The following SPOCK3 variants were observed in gnomAD, a reference collection of about 807,000 sequenced individuals.
SPOCK3 encodes testican-3.
Under a neutral mutation model 56.6 loss-of-function variants are expected in SPOCK3, and 30 were observed. The ratio of observed to expected loss-of-function variants is 0.53; its 90% CI spans 0.40 to 0.72. The LOEUF (loss-of-function observed/expected upper bound fraction) is 0.72. Ranked by LOEUF, SPOCK3 falls within the 30% of genes least tolerant of loss-of-function variation. The pLI, the probability that SPOCK3 is intolerant of heterozygous loss-of-function variation, is 0.00. For missense variants in SPOCK3, 527 were observed against 530.0 expected (o/e 0.99, Z 0.06); for synonymous variants, 196 against 183.3 (o/e 1.07, Z -0.56).
rs898981115 is a variant in SPOCK3 at position 167,217,927 on chromosome 4, A to T, written c.189+16058T>A. On this transcript the variant is annotated intron_variant, in intron 2 of 10. Coordinates refer to ENST00000357545, the MANE Select transcript of SPOCK3 (RefSeq NM_001040159.2). Reference sequence around the variant, plus strand: ...ACAGTTTCATTAAAGTAAAAAAAAAAAGTTAAACCCACAAACCAAAGGGTT... The same window carrying T: ...ACAGTTTCATTAAAGTAAAAAAAAATAGTTAAACCCACAAACCAAAGGGTT... Among the ~76,000 whole-genome samples, 6 of 150,578 alleles carry T rather than the reference A, an allele frequency of 4.0e-5. No homozygotes were observed. In the East Asian group the frequency reaches 1.2e-3, roughly 30 times the overall value.
At chr4:167,145,013 A>C (rs1431681426) in intron 2 of SPOCK3, among the ~76,000 whole-genome samples, 1 of 151,996 alleles carries the variant, frequency 6.6e-6, no homozygotes. Flanking sequence ...GAAAAAAAAA[A>C]CTGTAACACA....
chr4:167,117,614 A>C (rs1761538647), intron 2 of SPOCK3, among the ~76,000 whole-genome samples: 1 of 152,130 alleles, frequency 6.6e-6, no homozygotes, highest in Non-Finnish European at 1.5e-5. Flanking sequence ...GGCTTTCAGG[A>C]AGTACAAAAC....
At chr4:167,160,182 C>A (rs554078474) in intron 2 of SPOCK3, among the ~76,000 whole-genome samples, 15 of 152,304 alleles carry the variant, frequency 9.8e-5, no homozygotes, top group African/African-American at 3.6e-4. Context: ...TGATGAGCAA[C>A]TTCAGCAAAG....
rs1227762290 is a variant in SPOCK3 at position 166,754,650 on chromosome 4, C to A, written c.789G>T (p.Leu263=). Residue 263 remains leucine (L), a synonymous_variant, in exon 8 of 11, where the codon CTG becomes CTT. Transcript: ENST00000357545. ...TTCTGAGCTCTGACTGGTCCAATAG[C>A]AGGTCATAGTTTGTATCAAGTCTGT... ...MFNRLDTNYD[L]LLDQSELRSI... is the part of the protein sequence containing the mutation. The A allele has an allele frequency of 2.5e-6, 4 of 1,613,656 alleles. No homozygotes were observed. Among genetic ancestry groups the A allele is most frequent in the Non-Finnish European group, 3.4e-6 (4 of 1,179,772 alleles).
At chr4:166,958,106 G>A (rs892365233) in intron 4 of SPOCK3, among the ~76,000 whole-genome samples, 2 of 152,172 alleles carry the variant, frequency 1.3e-5, no homozygotes, top group Admixed American at 1.3e-4. Context: ...GGTGGGAGTT[G>A]ATTGGACCAT....
chr4:167,223,148 GA>G (rs1311120495), intron 2 of SPOCK3, among the ~76,000 whole-genome samples: 3 of 112,518 alleles, frequency 2.7e-5, no homozygotes, highest in Admixed American at 1.0e-4. Context: ...TTTTATATAT[GA>G]ATATATATTT....
chr4:167,159,702 G>T (rs1765117520), intron 2 of SPOCK3, among the ~76,000 whole-genome samples: 1 of 151,980 alleles, frequency 6.6e-6, no homozygotes, highest in African/African-American at 2.4e-5. Context: ...ATGATCAACT[G>T]GGCTTCATCC....
intron 2 of SPOCK3, among the ~76,000 whole-genome samples, chr4:167,147,865 G>A (rs150433311): frequency 8.5e-4 from 130 of 152,098 alleles, no homozygotes; most frequent in Non-Finnish European, 1.2e-3. Flanking sequence ...TGTAGGTGAC[G>A]GGTGGATGGG....
At chr4:167,062,416 C>G (rs1755697793) in intron 3 of SPOCK3, 76 bp downstream of exon 3, 2 of 1,134,562 alleles carry the variant, frequency 1.8e-6, no homozygotes, top group East Asian at 2.4e-5. Flanking sequence ...CCTAACCAGA[C>G]AGTAAATATC....
At chr4:166,850,164 T>C (rs1282216710) in intron 6 of SPOCK3, among the ~76,000 whole-genome samples, 2 of 152,204 alleles carry the variant, frequency 1.3e-5, no homozygotes, top group African/African-American at 4.8e-5. Context: ...TGCCATATTG[T>C]TTTCCATAGC....
At chr4:166,942,865 A>G (rs1240423969) in intron 4 of SPOCK3, among the ~76,000 whole-genome samples, 1 of 152,226 alleles carries the variant, frequency 6.6e-6, no homozygotes, top group Non-Finnish European at 1.5e-5. Context: ...GGCTTAATGA[A>G]AGTGACTTGT....
chr4:166,829,280 A>C (rs1368197740), intron 6 of SPOCK3, among the ~76,000 whole-genome samples: 2 of 152,114 alleles, frequency 1.3e-5, no homozygotes, highest in Non-Finnish European at 2.9e-5. Context: ...AAGTTAGCAG[A>C]TAAAGACTAC....
chr4:167,159,450 T>C (rs1765093726), intron 2 of SPOCK3, among the ~76,000 whole-genome samples: 1 of 151,946 alleles, frequency 6.6e-6, no homozygotes, highest in Non-Finnish European at 1.5e-5. Flanking sequence ...AACATCCTTC[T>C]CTTAGAAGAC....
chr4:167,031,104 G>C (rs1179961901), intron 3 of SPOCK3, among the ~76,000 whole-genome samples: 2 of 151,896 alleles, frequency 1.3e-5, no homozygotes, highest in Non-Finnish European at 2.9e-5. Context: ...TTAATGTTTA[G>C]ATAAATTCAT....
chr4:166,777,928 G>C (rs1270099233), intron 7 of SPOCK3, among the ~76,000 whole-genome samples: 2 of 152,070 alleles, frequency 1.3e-5, no homozygotes, highest in Non-Finnish European at 2.9e-5. Flanking sequence ...ATGCTTAATT[G>C]CTGAACCCTA....
intron 2 of SPOCK3, among the ~76,000 whole-genome samples, chr4:167,128,073 A>G (rs1015114139): frequency 3.3e-5 from 5 of 152,126 alleles, no homozygotes; most frequent in African/African-American, 4.8e-5. Flanking sequence ...TTGTTCTTCA[A>G]ACTCTCTCTT....
At position 166,733,718 on chromosome 4, in the gene SPOCK3, A is replaced by C. The variant is rs1230826807; in HGVS notation, c.*1203T>G. On this transcript the variant is annotated 3_prime_UTR_variant, in exon 11 of 11. Transcript: ENST00000357545. ...TAACTTAAATACAGCGGTTAAAGTA[A>C]TTTTTGCTACAGTTAAATCTTAAAT... 1.3e-5 allele frequency: 2 copies of C among 152,282 alleles called. No individual in the cohort carries two copies. The highest frequency in any genetic ancestry group is 3.0e-5 in the Non-Finnish European group (2 of 67,784). The allele number at this position is 152,282 out of a possible 1,614,324, so 9.4% of individuals were successfully genotyped here.
intron 6 of SPOCK3, among the ~76,000 whole-genome samples, chr4:166,848,675 CT>C (rs1748354106): frequency 1.3e-5 from 2 of 152,282 alleles, no homozygotes; most frequent in African/African-American, 4.8e-5. Context: ...ATTTGCTACT[CT>C]TTGGTTCAGA....
At chr4:166,993,924 T>C (rs1033047167) in intron 4 of SPOCK3, among the ~76,000 whole-genome samples, 2 of 152,166 alleles carry the variant, frequency 1.3e-5, no homozygotes, top group African/African-American at 4.8e-5. Context: ...GGGAGATACA[T>C]AGTATAATTA....
Sources: gnomAD v4.1 joint callset for allele counts (sites outside exome capture counted in the v4.1 genomes callset) on GRCh38, gnomAD v4.1.1 for gene constraint, MANE v1.5 for transcripts, NCBI Gene and HGNC (gene_info 2026-07-23, HGNC 2026-07-21) for gene names.